MYO1F: variants seen among roughly 807,000 people sequenced by gnomAD.
MYO1F encodes the protein myosin IF.
Under a neutral mutation model 146.6 loss-of-function variants are expected in MYO1F, and 60 were observed. The observed-to-expected ratio is 0.41, with a 90% CI of 0.33 to 0.51. The LOEUF (loss-of-function observed/expected upper bound fraction) is 0.51, where lower values mean the gene tolerates loss of function less well. Ranked by LOEUF, MYO1F falls within the 20% of genes least tolerant of loss-of-function variation. MYO1F has a pLI of 0.25. For missense variants in MYO1F, 1,274 were observed against 1,534.3 expected, an observed-to-expected ratio of 0.83 and a Z score of 2.83; for synonymous variants, 602 against 602.1, an observed-to-expected ratio of 1.00 and a Z score of 0.00.
chr19:8,552,304 G>A (rs1352533149), intron 6 of MYO1F, 140 bp from the exon 7 acceptor site: 17 of 974,118 alleles, frequency 1.7e-5, no homozygotes, highest in Non-Finnish European at 2.5e-5. Context: ...TGTTGCTCAG[G>A]CTGGGATTCA....
In MYO1F at chr19:8,577,424, C is replaced by G. The variant is rs782038697; in HGVS notation, c.-115G>C. The G allele has an allele frequency of 5.8e-6, 7 of 1,201,888 alleles. No homozygotes were observed. The highest frequency in any genetic ancestry group is 1.2e-5 in the South Asian group (1 of 80,144). The allele number at this position is 1,201,888 out of a possible 1,614,324, so 74.5% of individuals were successfully genotyped here. A position where few individuals can be genotyped will look rare whatever the true frequency, so the allele number is the denominator to read the frequency against. ...CATGGCCCTGCTTCTGCCCGTTCAC[C>G]GGACTCCCGGCTTTAGTTCCTCTTA... is the stretch of plus-strand genomic sequence containing the variant. On this transcript the variant is annotated 5_prime_UTR_variant, in exon 1 of 28. Coordinates refer to ENST00000644032, the MANE Select transcript of MYO1F (RefSeq NM_012335.4). The surrounding 1 kb of genome is among the most constrained non-coding windows in gnomAD (Gnocchi z 4.3).
intron 14 of MYO1F, among the ~76,000 whole-genome samples, chr19:8,542,282 G>T (rs1018858252): frequency 6.8e-6 from 1 of 147,610 alleles, no homozygotes; most frequent in Non-Finnish European, 1.5e-5. Context: ...CCAGGAGAGA[G>T]CTGCAGCTTG....
At position 8,530,588 on chromosome 19, in the gene MYO1F, T is replaced by G. The variant is rs1568335594; in HGVS notation, c.2044-15A>C. ...AGGAGGAAAAGCTGGGCGGGGGTCG[T>G]GGGGGGCAAGGGTGAGTCCTGGTGT... On this transcript the variant is annotated splice_polypyrimidine_tract_variant and intron_variant, in intron 19 of 27. Transcript: ENST00000644032. This position sits in a 1 kb window ranked among gnomAD's most constrained non-coding sequence, Gnocchi z 5.8. 1.2e-6 allele frequency: 2 copies of G among 1,601,500 alleles called. No individual in the cohort carries two copies. Among genetic ancestry groups the G allele is most frequent in the Non-Finnish European group, 1.7e-6 (2 of 1,174,432 alleles).
chr19:8,563,756 C>G (rs941307507), intron 1 of MYO1F, among the ~76,000 whole-genome samples: 4 of 151,946 alleles, frequency 2.6e-5, no homozygotes, highest in African/African-American at 9.7e-5. Context: ...AGGCGATCCC[C>G]CTGCCTCAGC....
At chr19:8,527,539 G>C in intron 21 of MYO1F, 56 bp from the exon 22 acceptor site, 1 of 1,601,166 alleles carries the variant, frequency 6.2e-7, no homozygotes. Context: ...CCTGGCCACA[G>C]AGGATCCACC....
chr19:8,560,022 T>A (rs1974018561), intron 1 of MYO1F, among the ~76,000 whole-genome samples: 1 of 150,694 alleles, frequency 6.6e-6, no homozygotes, highest in African/African-American at 2.4e-5. Flanking sequence ...GTTTGGGGGA[T>A]GTAGATGGTT....
intron 25 of MYO1F, among the ~76,000 whole-genome samples, chr19:8,524,796 G>T (rs575144489): frequency 6.6e-6 from 1 of 152,248 alleles, no homozygotes; most frequent in South Asian, 2.1e-4. Flanking sequence ...GTACGTCTTG[G>T]TGGATAAATA....
At chr19:8,555,457 G>T in intron 2 of MYO1F, 2 of 577,246 alleles carry the variant, frequency 3.5e-6, no homozygotes, top group Non-Finnish European at 3.1e-6. Context: ...CGCTGGGGCT[G>T]AGCTTCCCCA....
intron 19 of MYO1F, among the ~76,000 whole-genome samples, chr19:8,531,344 T>C (rs1339364485): frequency 6.6e-6 from 1 of 152,004 alleles, no homozygotes; most frequent in Non-Finnish European, 1.5e-5. Context: ...CAAAACTTCA[T>C]CTCAAAAAAA....
intron 14 of MYO1F, among the ~76,000 whole-genome samples, chr19:8,543,675 CTGGT>C (rs1973088458): frequency 5.5e-5 from 2 of 36,178 alleles, no homozygotes; most frequent in Non-Finnish European, 1.0e-4. Context: ...GGTGGTGGTG[CTGGT>C]GGTGGTGGTG....
At chr19:8,545,545 G>C (rs928003768) in intron 13 of MYO1F, 105 bp downstream of exon 13, 9 of 937,412 alleles carry the variant, frequency 9.6e-6, no homozygotes, top group Non-Finnish European at 1.6e-5. Context: ...GTAGGGTAGA[G>C]AAGGGCCTGA....
At chr19:8,555,547 T>A in intron 2 of MYO1F, 112 bp downstream of exon 2, 1 of 1,468,436 alleles carries the variant, frequency 6.8e-7, no homozygotes, top group Non-Finnish European at 9.5e-7. Context: ...GTGTCACCAC[T>A]TGGTGCTCTC....
At position 8,522,814 on chromosome 19, in the gene MYO1F, C is replaced by T; in HGVS notation, c.2870G>A (p.Gly957Glu). The T allele has an allele frequency of 6.4e-7, 1 of 1,572,972 alleles. No individual in the cohort carries two copies. The highest frequency in any genetic ancestry group is 8.6e-7 in the Non-Finnish European group (1 of 1,163,080). Reference protein sequence around the residue: ...PAPPRGMDRNGVPPSARGGPL... With the variant: ...PAPPRGMDRNEVPPSARGGPL... Reference sequence around the variant, plus strand: ...GCCCCCTCTGGCAGAGGGGGGCACCCCATTGCGATCCATGCCTGTGGCAGG... The same window carrying T: ...GCCCCCTCTGGCAGAGGGGGGCACCTCATTGCGATCCATGCCTGTGGCAGG... The change falls in exon 26 of 28, where the codon GGG becomes GAG. Residue 957 changes from glycine (G) to glutamate (E), a missense_variant. Gly to Glu is a moderately conservative substitution (Grantham distance 98). Transcript: ENST00000644032.
At chr19:8,550,435 C>A in intron 9 of MYO1F, 79 bp from the exon 10 acceptor site, 1 of 1,588,364 alleles carries the variant, frequency 6.3e-7, no homozygotes, top group Admixed American at 1.8e-5. Context: ...CCTATTATCC[C>A]CATCTTGCCC....
At chr19:8,526,349 G>GTCTCTCTC in intron 24 of MYO1F, 104 bp downstream of exon 24, 1 of 1,383,210 alleles carries the variant, frequency 7.2e-7, no homozygotes, top group Non-Finnish European at 9.8e-7. Flanking sequence ...AAACTCAAAA[G>GTCTCTCTC]TCTCTCTCTC....
At chr19:8,545,584 C>G (rs1973310944) in intron 13 of MYO1F, 66 bp downstream of exon 13, 23 of 1,368,354 alleles carry the variant, frequency 1.7e-5, no homozygotes, top group South Asian at 5.8e-5. Context: ...GGCCCTCCCC[C>G]TCATCTTCCA....
chr19:8,577,113 C>G lies in MYO1F; in HGVS notation c.3+194G>C, dbSNP rs573315670. The G allele has an allele frequency of 4.6e-4, 314 of 686,620 alleles. 3 individuals carry two copies. In the South Asian group the frequency reaches 5.1e-3, roughly 11 times the overall value. The allele number at this position is 686,620 out of a possible 1,614,324, so 42.5% of individuals were successfully genotyped here. A position where few individuals can be genotyped will look rare whatever the true frequency, so the allele number is the denominator to read the frequency against. ...GGATACCACCCTGGCATCCCCACCA[C>G]CTACAGATGGGAGCTTGCTCCCTGG... On this transcript the variant is annotated intron_variant, in intron 1 of 27. Coordinates refer to ENST00000644032, the MANE Select transcript of MYO1F (RefSeq NM_012335.4). The surrounding 1 kb of genome is among the most constrained non-coding windows in gnomAD (Gnocchi z 4.3).
intron 19 of MYO1F, among the ~76,000 whole-genome samples, chr19:8,533,037 C>G (rs75917138): frequency 0.017 from 2,642 of 152,082 alleles, 32 homozygotes; most frequent in African/African-American, 0.037. Context: ...GAGCCTTGCT[C>G]CCTGCTCTGC....
At chr19:8,527,897 G>A (rs1025416887) in intron 21 of MYO1F, among the ~76,000 whole-genome samples, 9 of 152,162 alleles carry the variant, frequency 5.9e-5, no homozygotes, top group South Asian at 2.1e-4. Flanking sequence ...ACAGGTGTGC[G>A]CCACCACGCC....
Sources: gnomAD v4.1 joint callset for allele counts (sites outside exome capture counted in the v4.1 genomes callset) on GRCh38, gnomAD v4.1.1 for gene constraint, Gnocchi (gnomAD v3.1) non-coding constraint, MANE v1.5 for transcripts, NCBI Gene and HGNC (gene_info 2026-07-23, HGNC 2026-07-21) for gene names.